The following FUBP3 variants were observed in gnomAD, a reference collection of about 807,000 sequenced individuals.
FUBP3 encodes far upstream element-binding protein 3.
A neutral mutation model predicts 85.6 loss-of-function variants in FUBP3; 28 were observed. That is an observed-to-expected ratio of 0.33 (90% CI 0.24 to 0.45). The LOEUF (loss-of-function observed/expected upper bound fraction) is 0.45. FUBP3 is among the 20% of genes least tolerant of loss of function. The pLI, the probability that FUBP3 is intolerant of heterozygous loss-of-function variation, is 1.00. For synonymous variants in FUBP3, 271 were observed against 271.4 expected, an observed-to-expected ratio of 1.00 and a Z score of 0.01; for missense variants, 583 against 755.1, an observed-to-expected ratio of 0.77 and a Z score of 2.67.
At position 130,631,939 on chromosome 9, in the gene FUBP3, C is replaced by T; in HGVS notation, c.1353-3C>T. ...GTCTGTTGTTTCTTTTACCTTTTCC[C>T]AGTACCTTTCCTCCAAGGAGCTCCG... is the stretch of plus-strand genomic sequence containing the variant. On this transcript the variant is annotated splice_region_variant and splice_polypyrimidine_tract_variant and intron_variant, in intron 14 of 18. Transcript: ENST00000319725. The T allele has an allele frequency of 6.2e-7, 1 of 1,607,658 alleles. No individual in the cohort carries two copies. Among genetic ancestry groups the T allele is most frequent in the Non-Finnish European group, 8.5e-7 (1 of 1,174,018 alleles).
At position 130,591,912 on chromosome 9, in the gene FUBP3, A is replaced by T. The variant is rs73547985; in HGVS notation, c.85-3571A>T. Among the ~76,000 whole-genome samples the T allele has an allele frequency of 2.9e-3, 441 of 152,338 alleles. 3 individuals carry two copies. The highest frequency in any genetic ancestry group is 0.01 in the African/African-American group (426 of 41,580). Reference sequence around the variant, plus strand: ...ACGTTAGAAGGCTGGCCAAGGACTCAGGAATACAGTTTAGCTACTTTAGAA... The same window carrying T: ...ACGTTAGAAGGCTGGCCAAGGACTCTGGAATACAGTTTAGCTACTTTAGAA... On this transcript the variant is annotated intron_variant, in intron 1 of 18. Coordinates refer to ENST00000319725, the MANE Select transcript of FUBP3 (RefSeq NM_003934.2).
intron 14 of FUBP3, 124 bp downstream of exon 14, chr9:130,631,754 G>A (rs1423504118): frequency 1.3e-5 from 11 of 869,880 alleles, no homozygotes; most frequent in Admixed American, 4.2e-5. Context: ...GGCAGGACTC[G>A]TTTCTTTTCC....
intron 16 of FUBP3, among the ~76,000 whole-genome samples, chr9:130,633,290 G>A (rs1335624650): frequency 2.0e-5 from 3 of 152,186 alleles, no homozygotes; most frequent in African/African-American, 7.2e-5. Flanking sequence ...AGAACACTCT[G>A]CAGTGAGCAC....
chr9:130,636,154 C>T (rs778046684), intron 18 of FUBP3, 28 bp downstream of exon 18: 2 of 1,607,642 alleles, frequency 1.2e-6, no homozygotes, highest in Non-Finnish European at 1.7e-6. Flanking sequence ...AGCACCGCTG[C>T]CACTCCCTAG....
At chr9:130,582,898 C>T (rs546627416) in intron 1 of FUBP3, among the ~76,000 whole-genome samples, 2 of 152,318 alleles carry the variant, frequency 1.3e-5, no homozygotes, top group East Asian at 1.9e-4. Flanking sequence ...GTCTGCCAGT[C>T]GTCGCCTAAA....
At chr9:130,631,687 C>T (rs1310227469) in intron 14 of FUBP3, 57 bp downstream of exon 14, 21 of 1,379,316 alleles carry the variant, frequency 1.5e-5, no homozygotes, top group Middle Eastern at 1.8e-4. Flanking sequence ...CAGAGATCCC[C>T]TGTCGTTTCC....
At chr9:130,602,380 T>C (rs1308045924) in intron 2 of FUBP3, among the ~76,000 whole-genome samples, 1 of 152,118 alleles carries the variant, frequency 6.6e-6, no homozygotes, top group Non-Finnish European at 1.5e-5. Flanking sequence ...TTCCAAGCTT[T>C]GTTTCAGTAC....
intron 10 of FUBP3, 52 bp downstream of exon 10, chr9:130,622,862 T>A: frequency 2.3e-6 from 2 of 864,784 alleles, no homozygotes; most frequent in Non-Finnish European, 1.8e-6. Flanking sequence ...AAAAAATCCT[T>A]AGTGTTAAAA....
chr9:130,607,135 G>T (rs1461503091), intron 2 of FUBP3, among the ~76,000 whole-genome samples: 1 of 143,856 alleles, frequency 7.0e-6, no homozygotes, highest in African/African-American at 2.8e-5. Context: ...GCTAATTTGT[G>T]TATTTTTTTT....
At chr9:130,621,077 A>T (rs1829726951) in intron 9 of FUBP3, among the ~76,000 whole-genome samples, 1 of 152,222 alleles carries the variant, frequency 6.6e-6, no homozygotes, top group Non-Finnish European at 1.5e-5. Flanking sequence ...GTTACACAAC[A>T]TTGTGAATGT....
intron 3 of FUBP3, 33 bp downstream of exon 3, chr9:130,610,020 A>G: frequency 1.3e-6 from 2 of 1,488,194 alleles, no homozygotes; most frequent in East Asian, 2.3e-5. Flanking sequence ...TTATTTATTG[A>G]TCATTTCTAA....
rs1166499130 is a variant in FUBP3 at position 130,635,600 on chromosome 9, T to C, written c.1583-399T>C. Among the ~76,000 whole-genome samples the C allele has an allele frequency of 6.6e-6, 1 of 152,160 alleles. No individual in the cohort carries two copies. Among genetic ancestry groups the C allele is most frequent in the Non-Finnish European group, 1.5e-5 (1 of 68,032 alleles). On this transcript the variant is annotated intron_variant, in intron 17 of 18. Coordinates refer to ENST00000319725, the MANE Select transcript of FUBP3 (RefSeq NM_003934.2). The surrounding 1 kb of genome is among the most constrained non-coding windows in gnomAD (Gnocchi z 4.3). ...ATCCCAATTCCCAGACCCCTGGGCC[T>C]GTGTTGAAGCTGTTCACAGGATTTG...
chr9:130,634,711 G>A lies in FUBP3; in HGVS notation c.1555G>A (p.Ala519Thr). ...PQSSQPNYSK[A>T]WEDYYKKQSH... ...GAGCAGCCAGCCCAACTACAGCAAG[G>A]CCTGGGAAGACTATTACAAAAAACA... is the stretch of plus-strand genomic sequence containing the variant. Residue 519 changes from alanine to threonine, a missense_variant, in exon 17 of 19, where the codon GCC (alanine) becomes ACC (threonine). By Grantham distance (58) the Ala-to-Thr change is moderately conservative (BLOSUM62 0). Transcript: ENST00000319725. 6.2e-7 allele frequency: 1 copy of A among 1,614,020 alleles called. No individual in the cohort carries two copies. The highest frequency in any genetic ancestry group is 8.5e-7 in the Non-Finnish European group (1 of 1,179,988).
rs1830582391 is a variant in FUBP3, at chr9:130,590,600, C to G, written c.85-4883C>G. Reference sequence around the variant, plus strand: ...GAGTGGCCTTGGTTTTGTGGACCATCCTGGCTTTTATCTCCTGGCCTACAG... The same window carrying G: ...GAGTGGCCTTGGTTTTGTGGACCATGCTGGCTTTTATCTCCTGGCCTACAG... On this transcript the variant is annotated intron_variant, in intron 1 of 18. Coordinates refer to ENST00000319725, the MANE Select transcript of FUBP3 (RefSeq NM_003934.2). 3.3e-5 allele frequency among the ~76,000 whole-genome samples: 5 copies of G among 152,326 alleles called. No homozygotes were observed. In the South Asian group the frequency reaches 1.0e-3, roughly 32 times the overall value.
intron 1 of FUBP3, among the ~76,000 whole-genome samples, chr9:130,588,144 A>T (rs1241629784): frequency 6.6e-6 from 1 of 152,130 alleles, no homozygotes; most frequent in African/African-American, 2.4e-5. Flanking sequence ...ATGGTCACAA[A>T]ACTCCCGGGG....
intron 16 of FUBP3, among the ~76,000 whole-genome samples, chr9:130,633,203 C>T (rs541074149): frequency 3.9e-4 from 59 of 152,378 alleles, no homozygotes; most frequent in African/African-American, 1.3e-3. Context: ...AAAGTACTTG[C>T]ATGCTCTGAA....
intron 9 of FUBP3, 78 bp from the exon 10 acceptor site, chr9:130,622,630 C>CA (rs35428077): frequency 0.07 from 35,251 of 501,988 alleles, 17 homozygotes; most frequent in East Asian, 0.13. Flanking sequence ...GACTCAGTCT[C>CA]AAAAAAAAAA....
intron 1 of FUBP3, among the ~76,000 whole-genome samples, chr9:130,594,456 G>T (rs1438019798): frequency 6.6e-6 from 1 of 151,972 alleles, no homozygotes. Flanking sequence ...GGTGGTGCAT[G>T]CCTGTAATCC....
chr9:130,607,137 ATTT>A (rs67852625), intron 2 of FUBP3, among the ~76,000 whole-genome samples: 2 of 143,920 alleles, frequency 1.4e-5, no homozygotes, highest in East Asian at 2.0e-4. Flanking sequence ...TAATTTGTGT[ATTT>A]TTTTTTTTTT....
Sources: gnomAD v4.1 joint callset for allele counts (sites outside exome capture counted in the v4.1 genomes callset) on GRCh38, gnomAD v4.1.1 for gene constraint, Gnocchi (gnomAD v3.1) non-coding constraint, MANE v1.5 for transcripts, NCBI Gene and HGNC (gene_info 2026-07-23, HGNC 2026-07-21) for gene names.